Variants in CCDC148 observed in about 807,000 individuals in gnomAD.
The protein encoded by CCDC148 is coiled-coil domain containing 148, also known as coiled-coil domain-containing protein 148.
In CCDC148, 89 loss-of-function variants were observed where a neutral mutation model predicts 85.7. The ratio of observed to expected loss-of-function variants is 1.04; its 90% CI spans 0.87 to 1.24. CCDC148 has a LOEUF of 1.24. CCDC148 is among the 50% of genes most tolerant of loss of function. The probability of loss-of-function intolerance (pLI) is 0.00; values close to 1 mark genes in which losing one functional copy is unlikely to be tolerated. For missense variants in CCDC148, 692 were observed against 671.7 expected, an observed-to-expected ratio of 1.03 and a Z score of -0.33; for synonymous variants, 230 against 213.9, an observed-to-expected ratio of 1.08 and a Z score of -0.66.
chr2:158,232,715 GAT>G (rs990288716), intron 10 of CCDC148, among the ~76,000 whole-genome samples: 3 of 152,138 alleles, frequency 2.0e-5, no homozygotes, highest in African/African-American at 7.2e-5. Context: ...ACTCATAAAA[GAT>G]ATGAAGTTCA....
chr2:158,241,574 A>G (rs1195169116), intron 10 of CCDC148, among the ~76,000 whole-genome samples: 1 of 152,132 alleles, frequency 6.6e-6, no homozygotes, highest in African/African-American at 2.4e-5. Flanking sequence ...GGCACTTGGT[A>G]TGTACTTATT....
chr2:158,222,813 C>T (rs1687258644), intron 10 of CCDC148, among the ~76,000 whole-genome samples: 1 of 152,160 alleles, frequency 6.6e-6, no homozygotes, highest in Non-Finnish European at 1.5e-5. Context: ...CCCAAATTCT[C>T]TTCAAGAATT....
At chr2:158,259,728 A>T (rs1689145120) in intron 9 of CCDC148, among the ~76,000 whole-genome samples, 1 of 151,826 alleles carries the variant, frequency 6.6e-6, no homozygotes, top group Admixed American at 6.6e-5. Flanking sequence ...TCAATCTTTC[A>T]AGGTGTATTT....
intron 10 of CCDC148, among the ~76,000 whole-genome samples, chr2:158,222,442 T>A (rs1389726416): frequency 6.6e-6 from 1 of 152,070 alleles, no homozygotes; most frequent in East Asian, 1.9e-4. Flanking sequence ...ATTGCTATAG[T>A]ATAAGTGTGC....
chr2:158,358,070 A>T (rs1683751703), intron 2 of CCDC148, among the ~76,000 whole-genome samples: 1 of 152,178 alleles, frequency 6.6e-6, no homozygotes, highest in South Asian at 2.1e-4. Flanking sequence ...GCACCTGAGG[A>T]CATATTTGTA....
At chr2:158,299,693 C>CCTGGAA (rs2105197776) in intron 9 of CCDC148, among the ~76,000 whole-genome samples, 1 of 152,278 alleles carries the variant, frequency 6.6e-6, no homozygotes, top group Non-Finnish European at 1.5e-5. Context: ...ATTCATCATC[C>CCTGGAA]CTGGAACTGG....
intron 1 of CCDC148, among the ~76,000 whole-genome samples, chr2:158,359,067 C>T (rs1028965133): frequency 2.0e-5 from 3 of 151,888 alleles, no homozygotes; most frequent in South Asian, 2.1e-4. Flanking sequence ...AAGTTTAATA[C>T]GTTGAAAAAT....
chr2:158,361,245 C>A (rs961905934), intron 1 of CCDC148, among the ~76,000 whole-genome samples: 2 of 151,964 alleles, frequency 1.3e-5, no homozygotes, highest in African/African-American at 4.8e-5. Context: ...AGTTGGAATG[C>A]ACTCTTCAGG....
At chr2:158,258,329 A>T (rs1689090462) in intron 9 of CCDC148, among the ~76,000 whole-genome samples, 1 of 151,814 alleles carries the variant, frequency 6.6e-6, no homozygotes, top group Admixed American at 6.6e-5. Context: ...CTGTGATAAT[A>T]AAGACCAACG....
In CCDC148 at chr2:158,386,113, C is replaced by T. The variant is rs571746279; in HGVS notation, c.26-27543G>A. On this transcript the variant is annotated intron_variant, in intron 1 of 13. Coordinates refer to ENST00000283233, the MANE Select transcript of CCDC148 (RefSeq NM_138803.4). ...TCCTAGAGAACAAAGTATGTATCAGCGGTTGGGGGGCAGTGCGGGGAGTTG... is the reference window on the plus strand; with the variant it reads ...TCCTAGAGAACAAAGTATGTATCAGTGGTTGGGGGGCAGTGCGGGGAGTTG... Among the ~76,000 whole-genome samples the T allele has an allele frequency of 1.4e-3, 216 of 152,046 alleles. 1 individual carries two copies. The highest frequency in any genetic ancestry group is 4.9e-3 in the African/African-American group (203 of 41,490).
intron 1 of CCDC148, among the ~76,000 whole-genome samples, chr2:158,426,495 A>T (rs1687085472): frequency 6.6e-6 from 1 of 152,188 alleles, no homozygotes; most frequent in Admixed American, 6.5e-5. Flanking sequence ...ATGTTGATCC[A>T]AGTGTTCCTG....
rs181657326 is a variant in CCDC148, at chr2:158,299,410, C to T, written c.1110+10023G>A. Among the ~76,000 whole-genome samples, 622 of 152,294 alleles carry T rather than the reference C, an allele frequency of 4.1e-3. 3 individuals are homozygous for T. The highest frequency in any genetic ancestry group is 0.014 in the African/African-American group (584 of 41,572). ...TCCTTCATCTCTAGTATCCTGCCCC[C>T]AAATTGTATTTGCCTTTGCAGCCCA... On this transcript the variant is annotated intron_variant, in intron 9 of 13. Transcript: ENST00000283233.
At chr2:158,320,100 T>A (rs1692456037) in intron 7 of CCDC148, among the ~76,000 whole-genome samples, 1 of 152,188 alleles carries the variant, frequency 6.6e-6, no homozygotes, top group Admixed American at 6.5e-5. Context: ...ATGACTCAAT[T>A]TTCTAAGTCC....
At chr2:158,236,415 T>A (rs1454499808) in intron 10 of CCDC148, among the ~76,000 whole-genome samples, 1 of 152,334 alleles carries the variant, frequency 6.6e-6, no homozygotes, top group East Asian at 1.9e-4. Context: ...CATTGAAATA[T>A]TGCATAATGA....
At chr2:158,337,792 C>G (rs1388507792) in intron 7 of CCDC148, among the ~76,000 whole-genome samples, 1 of 152,090 alleles carries the variant, frequency 6.6e-6, no homozygotes, top group Non-Finnish European at 1.5e-5. Flanking sequence ...GCAAATAACT[C>G]TACTTGGTAT....
chr2:158,299,569 T>G (rs1691350910), intron 9 of CCDC148, among the ~76,000 whole-genome samples: 1 of 152,232 alleles, frequency 6.6e-6, no homozygotes, highest in Non-Finnish European at 1.5e-5. Flanking sequence ...AAAACTTCTC[T>G]TATTTCAAAA....
At chr2:158,204,997 T>A (rs1456520452) in intron 11 of CCDC148, among the ~76,000 whole-genome samples, 1 of 151,748 alleles carries the variant, frequency 6.6e-6, no homozygotes, top group Non-Finnish European at 1.5e-5. Context: ...CTAAGCGGAG[T>A]CCAGCCATGG....
At chr2:158,413,661 G>A (rs1244549935) in intron 1 of CCDC148, among the ~76,000 whole-genome samples, 1 of 151,822 alleles carries the variant, frequency 6.6e-6, no homozygotes, top group Non-Finnish European at 1.5e-5. Context: ...TCTGTAGAAG[G>A]ACAGATAGTA....
intron 7 of CCDC148, among the ~76,000 whole-genome samples, chr2:158,317,260 T>C (rs1294956858): frequency 6.6e-6 from 1 of 152,216 alleles, no homozygotes; most frequent in Non-Finnish European, 1.5e-5. Flanking sequence ...TCTATTCCTT[T>C]TTGTCCGTCT....
Sources: allele counts gnomAD v4.1 joint callset (sites outside exome capture counted in the v4.1 genomes callset), GRCh38; gene constraint gnomAD v4.1.1; transcripts MANE v1.5; gene names NCBI Gene and HGNC (gene_info 2026-07-23, HGNC 2026-07-21).